MGMT: variants seen among roughly 807,000 people sequenced by gnomAD.
MGMT encodes O-6-methylguanine-DNA methyltransferase.
A neutral mutation model predicts 15.9 loss-of-function variants in MGMT; 14 were observed. The ratio of observed to expected loss-of-function variants is 0.88; its 90% CI spans 0.58 to 1.37. MGMT has a LOEUF of 1.37. Ranked by LOEUF, MGMT falls within the 40% of genes most tolerant of loss-of-function variation. The pLI is 0.00. For missense variants in MGMT, 282 were observed against 268.1 expected (o/e 1.05, Z -0.36); for synonymous variants, 130 against 118.2 (o/e 1.10, Z -0.65).
chr10:129,489,542 G>A (rs566232743), intron 1 of MGMT, among the ~76,000 whole-genome samples: 6 of 152,162 alleles, frequency 3.9e-5, no homozygotes, highest in Non-Finnish European at 8.8e-5. Flanking sequence ...CCTTGGGTCT[G>A]TAGACTAATG....
At chr10:129,507,959 G>A (rs574338691) in intron 1 of MGMT, among the ~76,000 whole-genome samples, 3 of 152,290 alleles carry the variant, frequency 2.0e-5, no homozygotes, top group Non-Finnish European at 2.9e-5. Flanking sequence ...CCAAGCCACT[G>A]GATTCTGGGT....
intron 1 of MGMT, among the ~76,000 whole-genome samples, chr10:129,486,505 G>T (rs1845410988): frequency 6.6e-6 from 1 of 152,010 alleles, no homozygotes; most frequent in Non-Finnish European, 1.5e-5. Context: ...TGTATTTTCT[G>T]TATGCTTTTT....
intron 1 of MGMT, among the ~76,000 whole-genome samples, chr10:129,476,260 G>A (rs1019309386): frequency 4.6e-5 from 7 of 152,116 alleles, no homozygotes; most frequent in East Asian, 1.9e-4. Context: ...CATGGCCCCC[G>A]CTGTCCTTGT....
intron 2 of MGMT, among the ~76,000 whole-genome samples, chr10:129,684,290 G>A (rs934380935): frequency 7.2e-5 from 11 of 152,158 alleles, no homozygotes; most frequent in African/African-American, 2.4e-4. Flanking sequence ...TATAACTGCC[G>A]AAGACTCTGG....
intron 3 of MGMT, among the ~76,000 whole-genome samples, chr10:129,740,224 G>A (rs1564780982): frequency 6.6e-6 from 1 of 152,162 alleles, no homozygotes; most frequent in East Asian, 1.9e-4. Context: ...TTGACCCCAG[G>A]ATGCCATCAG....
At chr10:129,712,957 A>G (rs991512465) in intron 3 of MGMT, among the ~76,000 whole-genome samples, 1 of 152,096 alleles carries the variant, frequency 6.6e-6, no homozygotes, top group Non-Finnish European at 1.5e-5. Context: ...GGGTGTTCTT[A>G]AAATGTGCCT....
At chr10:129,711,896 T>G (rs1404593981) in intron 3 of MGMT, among the ~76,000 whole-genome samples, 1 of 152,222 alleles carries the variant, frequency 6.6e-6, no homozygotes, top group Non-Finnish European at 1.5e-5. Flanking sequence ...TAATGAAATA[T>G]CATTTAAACT....
chr10:129,688,627 T>G (rs1209622821), intron 2 of MGMT, among the ~76,000 whole-genome samples: 2 of 152,226 alleles, frequency 1.3e-5, no homozygotes, highest in Non-Finnish European at 2.9e-5. Context: ...AAAAATTTTC[T>G]CCCATTCTGT....
At chr10:129,662,371 G>A (rs1054692636) in intron 2 of MGMT, among the ~76,000 whole-genome samples, 20 of 152,246 alleles carry the variant, frequency 1.3e-4, no homozygotes, top group African/African-American at 4.3e-4. Context: ...CCCAGGACAC[G>A]GAACTTTCCG....
At chr10:129,588,425 C>T (rs1203061329) in intron 2 of MGMT, among the ~76,000 whole-genome samples, 3 of 152,202 alleles carry the variant, frequency 2.0e-5, no homozygotes, top group Non-Finnish European at 1.5e-5. Context: ...TATGCATCTT[C>T]TTGCATCATT....
intron 2 of MGMT, among the ~76,000 whole-genome samples, chr10:129,586,371 G>A (rs1348592098): frequency 6.6e-6 from 1 of 152,022 alleles, no homozygotes; most frequent in Non-Finnish European, 1.5e-5. Context: ...TCATCCCCAG[G>A]CAATCACTGA....
At chr10:129,750,551 A>G (rs2133179002) in intron 3 of MGMT, among the ~76,000 whole-genome samples, 1 of 152,284 alleles carries the variant, frequency 6.6e-6, no homozygotes, top group South Asian at 2.1e-4. Flanking sequence ...TCTCCTTGTC[A>G]TTATCCTCTC....
chr10:129,744,071 G>T (rs1479592154), intron 3 of MGMT, among the ~76,000 whole-genome samples: 1 of 152,218 alleles, frequency 6.6e-6, no homozygotes, highest in African/African-American at 2.4e-5. Context: ...TGCTTGTTCA[G>T]CCTCAAGTAC....
chr10:129,537,500 A>G (rs1219509177), intron 2 of MGMT, among the ~76,000 whole-genome samples: 2 of 152,186 alleles, frequency 1.3e-5, no homozygotes, highest in Non-Finnish European at 2.9e-5. Flanking sequence ...TTTGTAGGGG[A>G]AAATGTCATT....
intron 3 of MGMT, among the ~76,000 whole-genome samples, chr10:129,736,721 T>A (rs529982812): frequency 6.6e-6 from 1 of 152,172 alleles, no homozygotes; most frequent in African/African-American, 2.4e-5. Flanking sequence ...CCATGTTTAG[T>A]GCTTCCTTCA....
chr10:129,545,035 G>A (rs1013391282), intron 2 of MGMT, among the ~76,000 whole-genome samples: 5 of 152,182 alleles, frequency 3.3e-5, no homozygotes, highest in Admixed American at 1.3e-4. Flanking sequence ...GTGGGAGGAG[G>A]TGTCCTTCCG....
At chr10:129,639,293 A>C (rs916222071) in intron 2 of MGMT, among the ~76,000 whole-genome samples, 1 of 152,212 alleles carries the variant, frequency 6.6e-6, no homozygotes, top group African/African-American at 2.4e-5. Context: ...GAGAGATGTT[A>C]CATAGCGATA....
chr10:129,507,971 G>T (rs1283643022), intron 1 of MGMT, among the ~76,000 whole-genome samples: 1 of 152,126 alleles, frequency 6.6e-6, no homozygotes, highest in Non-Finnish European at 1.5e-5. Flanking sequence ...ATTCTGGGTG[G>T]GATACTAAGT....
intron 2 of MGMT, among the ~76,000 whole-genome samples, chr10:129,550,335 C>A (rs58195132): frequency 6.9e-5 from 9 of 131,190 alleles, no homozygotes; most frequent in African/African-American, 2.5e-4. Flanking sequence ...CGCCCAGCAC[C>A]GGCATGTTTC....
Sources: gnomAD v4.1 joint callset for allele counts (sites outside exome capture counted in the v4.1 genomes callset) on GRCh38, gnomAD v4.1.1 for gene constraint, MANE v1.5 for transcripts, NCBI Gene and HGNC (gene_info 2026-07-23, HGNC 2026-07-21) for gene names.